The following CHRNA7 variants were observed in gnomAD, a reference collection of about 807,000 sequenced individuals.
CHRNA7 encodes cholinergic receptor nicotinic alpha 7 subunit, also known as neuronal acetylcholine receptor subunit alpha-7.
CHRNA7 carries 17 observed loss-of-function variants against 48.0 expected under a neutral mutation model. The observed-to-expected ratio is 0.35, with a 90% CI of 0.24 to 0.53. The LOEUF is 0.53. CHRNA7 is among the 20% of genes least tolerant of loss of function. CHRNA7 has a pLI of 0.92. For missense variants in CHRNA7, 155 were observed against 577.7 expected (o/e 0.27, Z 7.50); for synonymous variants, 75 against 242.3 (o/e 0.31, Z 6.41).
chr15:32,114,030 ATATATATATATATG>A (rs1300654454), intron 4 of CHRNA7, among the ~76,000 whole-genome samples: 1,034 of 86,786 alleles, frequency 0.012, 20 homozygotes, highest in African/African-American at 0.041. Context: ...ATATATATAT[ATATATATATATATG>A]TATATATATA....
chr15:32,123,981 A>C (rs1365773031), intron 4 of CHRNA7, among the ~76,000 whole-genome samples: 1 of 151,418 alleles, frequency 6.6e-6, no homozygotes. Flanking sequence ...AAAAAAAAAA[A>C]ACAGCCTACA....
chr15:32,088,921 A>G (rs2050341150), intron 2 of CHRNA7, among the ~76,000 whole-genome samples: 2 of 152,186 alleles, frequency 1.3e-5, no homozygotes, highest in South Asian at 4.1e-4. Context: ...TAATTTTAAT[A>G]AAGTCCAACT....
intron 2 of CHRNA7, among the ~76,000 whole-genome samples, chr15:32,071,210 A>G (rs1371599808): frequency 6.6e-6 from 1 of 152,126 alleles, no homozygotes; most frequent in Non-Finnish European, 1.5e-5. Context: ...ATCTGGTGGG[A>G]TGATTGCTTA....
At chr15:32,094,996 CAG>C (rs1199449735) in intron 2 of CHRNA7, among the ~76,000 whole-genome samples, 1 of 152,232 alleles carries the variant, frequency 6.6e-6, no homozygotes, top group Non-Finnish European at 1.5e-5. Flanking sequence ...CAGCATGCTG[CAG>C]AGAGAGCAAT....
At chr15:32,056,995 T>C (rs1025815226) in intron 2 of CHRNA7, among the ~76,000 whole-genome samples, 2 of 152,122 alleles carry the variant, frequency 1.3e-5, no homozygotes, top group African/African-American at 4.8e-5. Flanking sequence ...GCAACCAGCT[T>C]TTATAGGCTG....
intron 3 of CHRNA7, among the ~76,000 whole-genome samples, chr15:32,108,239 C>T (rs1291714688): frequency 1.3e-5 from 2 of 152,044 alleles, no homozygotes; most frequent in African/African-American, 4.8e-5. Flanking sequence ...ATCAATGGCC[C>T]CTTCCTCCCT....
chr15:32,072,807 A>T (rs1595414218), intron 2 of CHRNA7, among the ~76,000 whole-genome samples: 1 of 152,232 alleles, frequency 6.6e-6, no homozygotes, highest in Non-Finnish European at 1.5e-5. Flanking sequence ...CTGCAGGTGC[A>T]CAGAATGCAA....
At chr15:32,104,796 A>T (rs1243982094) in intron 3 of CHRNA7, among the ~76,000 whole-genome samples, 1 of 152,214 alleles carries the variant, frequency 6.6e-6, no homozygotes, top group Admixed American at 6.5e-5. Flanking sequence ...CAGGCTCCGG[A>T]GAATGAGGCA....
At chr15:32,097,104 G>A (rs562623347) in intron 2 of CHRNA7, among the ~76,000 whole-genome samples, 211 of 152,240 alleles carry the variant, frequency 1.4e-3, no homozygotes, top group African/African-American at 4.9e-3. Context: ...TAGCAGACAG[G>A]GCAGCTGTTT....
chr15:32,068,948 C>T (rs1363033143), intron 2 of CHRNA7, among the ~76,000 whole-genome samples: 1 of 152,062 alleles, frequency 6.6e-6, no homozygotes, highest in African/African-American at 2.4e-5. Context: ...ATGATAGAAA[C>T]ACTAGACAGT....
At chr15:32,049,457 T>C (rs1353335340) in intron 2 of CHRNA7, among the ~76,000 whole-genome samples, 1 of 152,180 alleles carries the variant, frequency 6.6e-6, no homozygotes, top group African/African-American at 2.4e-5. Flanking sequence ...TATCAGAGAC[T>C]AGGATTGCAA....
At chr15:32,103,901 A>G (rs1243402978) in intron 3 of CHRNA7, among the ~76,000 whole-genome samples, 1 of 152,218 alleles carries the variant, frequency 6.6e-6, no homozygotes, top group Admixed American at 6.5e-5. Flanking sequence ...AAATCCTGGC[A>G]GCTTGACCTG....
Position 32,030,611 on chromosome 15 carries a change from G to C in CHRNA7, c.17G>C (p.Gly6Ala). 1 of 1,561,710 alleles carries C rather than the reference G, an allele frequency of 6.4e-7. No individual in the cohort carries two copies. Among genetic ancestry groups the C allele is most frequent in the Non-Finnish European group, 8.6e-7 (1 of 1,160,416 alleles). Residue 6 changes from glycine to alanine, a missense_variant, in exon 1 of 10, where the codon GGA becomes GCA. Coordinates refer to ENST00000306901, the MANE Select transcript of CHRNA7 (RefSeq NM_000746.6). MRCSP[G>A]GVWLALAASL... ...GGACTCAACATGCGCTGCTCGCCGGGAGGCGTCTGGCTGGCGCTGGCCGCG... is the reference window on the plus strand; with the variant it reads ...GGACTCAACATGCGCTGCTCGCCGGCAGGCGTCTGGCTGGCGCTGGCCGCG...
chr15:32,136,576 A>C (rs1267002583), intron 4 of CHRNA7, among the ~76,000 whole-genome samples: 1 of 152,152 alleles, frequency 6.6e-6, no homozygotes, highest in Non-Finnish European at 1.5e-5. Context: ...GCTTGGAGGT[A>C]AAACCCTCAG....
At chr15:32,116,804 A>G (rs906703486) in intron 4 of CHRNA7, among the ~76,000 whole-genome samples, 1 of 152,204 alleles carries the variant, frequency 6.6e-6, no homozygotes, top group African/African-American at 2.4e-5. Context: ...AAGATATTTA[A>G]AGATGTTTTT....
At chr15:32,145,263 A>G (rs570286705) in intron 4 of CHRNA7, among the ~76,000 whole-genome samples, 12 of 152,218 alleles carry the variant, frequency 7.9e-5, no homozygotes, top group African/African-American at 2.9e-4. Context: ...AACAGCAAAC[A>G]TTGCTGCCTG....
At chr15:32,091,740 T>G (rs527720921) in intron 2 of CHRNA7, among the ~76,000 whole-genome samples, 51 of 152,302 alleles carry the variant, frequency 3.3e-4, no homozygotes, top group African/African-American at 1.1e-3. Flanking sequence ...TGAATAACAC[T>G]GGCCACTGGT....
intron 2 of CHRNA7, among the ~76,000 whole-genome samples, chr15:32,064,534 T>C (rs1374613555): frequency 1.3e-5 from 2 of 151,074 alleles, no homozygotes; most frequent in African/African-American, 4.9e-5. Flanking sequence ...AGGCAGGGGG[T>C]TCCCATATGT....
chr15:32,151,022 T>G (rs559539514), intron 4 of CHRNA7, among the ~76,000 whole-genome samples: 31 of 152,128 alleles, frequency 2.0e-4, no homozygotes, highest in African/African-American at 7.0e-4. Context: ...AGTCTCCCCC[T>G]TTTTCCCCCT....
Sources: gnomAD v4.1 joint callset for allele counts (sites outside exome capture counted in the v4.1 genomes callset) on GRCh38, gnomAD v4.1.1 for gene constraint, MANE v1.5 for transcripts, NCBI Gene and HGNC (gene_info 2026-07-23, HGNC 2026-07-21) for gene names.